The following SPPL3 variants were observed in gnomAD, a reference collection of about 807,000 sequenced individuals.
SPPL3 encodes signal peptide peptidase like 3.
SPPL3 carries 5 observed loss-of-function variants against 42.4 expected under a neutral mutation model. That is an observed-to-expected ratio of 0.12 (90% confidence interval 0.06 to 0.25). The LOEUF is 0.25. Ranked by LOEUF, SPPL3 falls within the 10% of genes least tolerant of loss-of-function variation. The pLI, the probability that SPPL3 is intolerant of heterozygous loss-of-function variation, is 1.00. For missense variants in SPPL3, 235 were observed against 489.0 expected, an observed-to-expected ratio of 0.48 and a Z score of 4.90; for synonymous variants, 195 against 181.8, an observed-to-expected ratio of 1.07 and a Z score of -0.58.
At chr12:120,802,362 TATATATAC>T (rs1372285593) in intron 2 of SPPL3, among the ~76,000 whole-genome samples, 15 of 146,590 alleles carry the variant, frequency 1.0e-4, no homozygotes, top group Non-Finnish European at 2.1e-4. Context: ...TATGTGTGTA[TATATATAC>T]ATATATATGT....
chr12:120,810,957 G>A (rs769533706), intron 1 of SPPL3, 71 bp from the exon 2 acceptor site: 1 of 1,134,518 alleles, frequency 8.8e-7, no homozygotes, highest in East Asian at 2.4e-5. Context: ...GTCTAATGGA[G>A]TTCTATAAAC....
chr12:120,823,700 T>C (rs1400716614), intron 1 of SPPL3, among the ~76,000 whole-genome samples: 2 of 152,172 alleles, frequency 1.3e-5, no homozygotes, highest in African/African-American at 4.8e-5. Flanking sequence ...TGATTCCCTT[T>C]TCCAAGTTGT....
chr12:120,891,851 T>C (rs1873654555), intron 1 of SPPL3, among the ~76,000 whole-genome samples: 1 of 152,142 alleles, frequency 6.6e-6, no homozygotes, highest in Non-Finnish European at 1.5e-5. Context: ...TAAACTTGTA[T>C]TTTACTTATA....
chr12:120,871,570 T>A (rs1872932881), intron 1 of SPPL3, among the ~76,000 whole-genome samples: 1 of 152,130 alleles, frequency 6.6e-6, no homozygotes, highest in Admixed American at 6.6e-5. Context: ...CCGGCCAACG[T>A]GGTGAAACCC....
intron 1 of SPPL3, among the ~76,000 whole-genome samples, chr12:120,893,454 AAAG>A (rs751862625): frequency 8.5e-5 from 13 of 152,124 alleles, no homozygotes; most frequent in African/African-American, 2.9e-4. Context: ...TAAAAAACAA[AAAG>A]AAGACCTTTA....
chr12:120,860,173 C>T (rs372122812), intron 1 of SPPL3, among the ~76,000 whole-genome samples: 11 of 152,134 alleles, frequency 7.2e-5, no homozygotes, highest in South Asian at 6.2e-4. Context: ...AGTGCACTTC[C>T]AGCCTGGGTG....
chr12:120,811,138 T>C, intron 1 of SPPL3: 1 of 331,980 alleles, frequency 3.0e-6, no homozygotes, highest in South Asian at 5.4e-5. Flanking sequence ...AATGTAAAAA[T>C]CCCATCTCTG....
intron 6 of SPPL3, among the ~76,000 whole-genome samples, chr12:120,776,758 G>A (rs549985873): frequency 2.0e-5 from 3 of 152,128 alleles, no homozygotes; most frequent in Non-Finnish European, 4.4e-5. Context: ...CATGTAAATA[G>A]TATCATGTGT....
chr12:120,836,827 A>G (rs1158471203), intron 1 of SPPL3, among the ~76,000 whole-genome samples: 1 of 152,174 alleles, frequency 6.6e-6, no homozygotes, highest in African/African-American at 2.4e-5. Context: ...TAACATGCAC[A>G]TGTGTGTGTG....
intron 1 of SPPL3, among the ~76,000 whole-genome samples, chr12:120,829,453 C>T (rs955126927): frequency 5.9e-5 from 9 of 151,612 alleles, no homozygotes; most frequent in South Asian, 2.1e-4. Flanking sequence ...AAAATTAGCC[C>T]GGCATGATGG....
intron 1 of SPPL3, among the ~76,000 whole-genome samples, chr12:120,818,163 C>T (rs1469030401): frequency 6.6e-6 from 1 of 152,134 alleles, no homozygotes; most frequent in Non-Finnish European, 1.5e-5. Flanking sequence ...ACATGAAAGA[C>T]AGGAACTACT....
Position 120,828,216 on chromosome 12 carries a change from A to G in SPPL3, c.24-17330T>C, listed in dbSNP as rs1040328884. Among the ~76,000 whole-genome samples, 4 of 152,246 alleles carry G rather than the reference A, an allele frequency of 2.6e-5. No individual in the cohort carries two copies. In the East Asian group the frequency reaches 5.8e-4, roughly 22 times the overall value. ...ATATGTGGAAATTAAACACACTCCT[A>G]AATAACCCATGGGTCAAATAAGAGA... On this transcript the variant is annotated intron_variant, in intron 1 of 10. Coordinates refer to ENST00000353487, the MANE Select transcript of SPPL3 (RefSeq NM_139015.5).
At chr12:120,802,995 C>A (rs1043892804) in intron 2 of SPPL3, among the ~76,000 whole-genome samples, 1 of 152,158 alleles carries the variant, frequency 6.6e-6, no homozygotes, top group African/African-American at 2.4e-5. Context: ...TATTTGAATG[C>A]CTACTGTGAG....
chr12:120,827,533 T>C (rs370593613), intron 1 of SPPL3, among the ~76,000 whole-genome samples: 3 of 152,230 alleles, frequency 2.0e-5, no homozygotes, highest in African/African-American at 7.2e-5. Flanking sequence ...AGAGATGAAC[T>C]AGTTTGTCCA....
chr12:120,858,682 G>A (rs1872538351), intron 1 of SPPL3, among the ~76,000 whole-genome samples: 1 of 152,060 alleles, frequency 6.6e-6, no homozygotes, highest in African/African-American at 2.4e-5. Flanking sequence ...AGATTAGAGA[G>A]CGGCAATCTA....
chr12:120,855,444 T>G (rs1029980435), intron 1 of SPPL3, among the ~76,000 whole-genome samples: 3 of 152,050 alleles, frequency 2.0e-5, no homozygotes, highest in African/African-American at 7.2e-5. Context: ...TCCTAGCACT[T>G]TGGGAGGCCG....
intron 1 of SPPL3, among the ~76,000 whole-genome samples, chr12:120,867,989 C>T (rs1037077760): frequency 1.3e-5 from 2 of 152,120 alleles, no homozygotes; most frequent in African/African-American, 2.4e-5. Context: ...TCAAGTGAAC[C>T]GCATGCCTTG....
chr12:120,903,782 G>A, intron 1 of SPPL3, 63 bp downstream of exon 1: 1 of 1,336,120 alleles, frequency 7.5e-7, no homozygotes, highest in Non-Finnish European at 9.8e-7. Flanking sequence ...CCCTCGGCGG[G>A]CCGCGCCGGC....
intron 3 of SPPL3, among the ~76,000 whole-genome samples, chr12:120,789,549 G>A (rs1188462807): frequency 1.3e-5 from 2 of 151,444 alleles, no homozygotes; most frequent in Admixed American, 1.3e-4. Flanking sequence ...TGTTGGCTGG[G>A]TGCAGTGGCT....
Sources: allele counts gnomAD v4.1 joint callset (sites outside exome capture counted in the v4.1 genomes callset), GRCh38; gene constraint gnomAD v4.1.1; transcripts MANE v1.5; gene names NCBI Gene and HGNC (gene_info 2026-07-23, HGNC 2026-07-21).